LAMA5: variants seen among roughly 807,000 people sequenced by gnomAD.
The protein encoded by LAMA5 is laminin subunit alpha 5.
LAMA5 carries 260 observed loss-of-function variants against 433.4 expected under a neutral mutation model. The ratio of observed to expected loss-of-function variants is 0.60; its 90% CI spans 0.54 to 0.66. The LOEUF (loss-of-function observed/expected upper bound fraction) is 0.66, where lower values mean the gene tolerates loss of function less well. LAMA5 is among the 30% of genes least tolerant of loss of function. The pLI is 0.00. For missense variants in LAMA5, 5,378 were observed against 5,258.5 expected (o/e 1.02, Z -0.70); for synonymous variants, 2,620 against 2,226.6 (o/e 1.18, Z -4.97).
chr20:62,340,954 G>A (rs13043914), intron 11 of LAMA5, among the ~76,000 whole-genome samples: 32,403 of 151,638 alleles, frequency 0.21, 3,555 homozygotes, highest in Non-Finnish European at 0.23. Flanking sequence ...CAGGAGAATC[G>A]CTTGAACCTA....
chr20:62,309,405 G>A lies in LAMA5; in HGVS notation c.11019C>T (p.Ser3673=), dbSNP rs750279265. ...CCACAGAGCGAGTCATGGCGACGGG[G>A]GACCGGTTCACCGCCAGCCTCCTCA... ...GCMRRLAVNR[S]PVAMTRSVEV... The change falls in exon 80 of 80, where the codon TCC becomes TCT. Residue 3673 remains serine (S), a synonymous_variant. Transcript: ENST00000252999. The A allele has an allele frequency of 3.8e-6, 6 of 1,587,098 alleles. No individual in the cohort carries two copies. The highest frequency in any genetic ancestry group is 5.1e-6 in the Non-Finnish European group (6 of 1,175,314).
intron 35 of LAMA5, 60 bp from the exon 36 acceptor site, chr20:62,328,070 C>A (rs1979637261): frequency 5.6e-6 from 9 of 1,599,406 alleles, no homozygotes; most frequent in South Asian, 1.1e-5. Flanking sequence ...CAAAGTGAGA[C>A]CTCGTAGGCA....
In LAMA5 at chr20:62,312,095, C is replaced by A. The variant is rs181972840; in HGVS notation, c.9505-45G>T. ...CAGCCGGCCGGCCTGGGGACCCAGA[C>A]TCATTCCAGACACCCCAGTCCCAAC... is the stretch of plus-strand genomic sequence containing the variant. On this transcript the variant is annotated intron_variant, in intron 69 of 79. Transcript: ENST00000252999. The A allele has an allele frequency of 3.0e-4, 480 of 1,608,978 alleles. 3 individuals are homozygous for A. In the African/African-American group the frequency reaches 5.7e-3, roughly 19 times the overall value.
At position 62,320,829 on chromosome 20, in the gene LAMA5, G is replaced by C; in HGVS notation, c.6558C>G (p.Pro2186=). Residue 2186 remains proline, a synonymous_variant, in exon 49 of 80, where the codon CCC becomes CCG. Transcript: ENST00000252999. ...DDLERAGALL[P]AIHEQLRGIN... ...TGCCACGCAGTTGCTCGTGAATGGC[G>C]GGGAGGAGGGCGCCGGCCCGTTCCA... The C allele has an allele frequency of 1.9e-6, 3 of 1,612,610 alleles. No homozygotes were observed. Among genetic ancestry groups the C allele is most frequent in the South Asian group, 2.2e-5 (2 of 91,076 alleles).
rs766366442 is a variant in LAMA5 at position 62,309,452 on chromosome 20, G to T, written c.10972C>A (p.Pro3658Thr). 3 of 1,583,292 alleles carry T rather than the reference G, an allele frequency of 1.9e-6. No individual in the cohort carries two copies. Among genetic ancestry groups the T allele is most frequent in the East Asian group, 2.3e-5 (1 of 44,356 alleles). ...CTCATGCAGCCGCAGTAGGCGGGGG[G>T]CCAGGGCTGCACGGCCATGGGCTCT... is the stretch of plus-strand genomic sequence containing the variant. Reference protein sequence around the residue: ...LPEPMAVQPWPPAYCGCMRRL... With the variant: ...LPEPMAVQPWTPAYCGCMRRL... The change falls in exon 80 of 80, where the codon CCC (proline) becomes ACC (threonine). Residue 3658 changes from proline (P) to threonine (T), a missense_variant. Physicochemically the swap from Pro to Thr is conservative, Grantham distance 38. Transcript: ENST00000252999.
intron 58 of LAMA5, among the ~76,000 whole-genome samples, chr20:62,315,735 C>T (rs1008453285): frequency 6.6e-6 from 1 of 152,230 alleles, no homozygotes; most frequent in African/African-American, 2.4e-5. Context: ...CAAAGCACTT[C>T]CAAGCTTGCC....
chr20:62,328,082 C>A, intron 35 of LAMA5, 72 bp from the exon 36 acceptor site: 1 of 1,587,406 alleles, frequency 6.3e-7, no homozygotes, highest in Non-Finnish European at 8.6e-7. Context: ...TCGTAGGCAC[C>A]CCCCACCCAG....
At chr20:62,316,525 G>A in intron 57 of LAMA5, 146 bp downstream of exon 57, 2 of 601,406 alleles carry the variant, frequency 3.3e-6, no homozygotes, top group Non-Finnish European at 5.6e-6. Flanking sequence ...ACAAGCAGCT[G>A]GGGAGCCATC....
In LAMA5 at chr20:62,346,794, T is replaced by C. The variant is rs751571417; in HGVS notation, c.1079A>G (p.Asn360Ser). 4.3e-6 allele frequency: 7 copies of C among 1,611,992 alleles called. No homozygotes were observed. The East Asian group carries it at 1.1e-4, about 26-fold the overall frequency. ...ANSANECQSC[N>S]CYGHATDCYY... ...ACAGTCGGTGGCATGGCCGTAGCAG[T>C]TACAGGCTAGAGAGAGGGGAGCGCA... The change falls in exon 8 of 80, where the codon AAC becomes AGC. Residue 360 changes from asparagine to serine, a missense_variant. Physicochemically the swap from Asn to Ser is conservative, Grantham distance 46. Coordinates refer to ENST00000252999, the MANE Select transcript of LAMA5 (RefSeq NM_005560.6).
chr20:62,353,164 G>T lies in LAMA5; in HGVS notation c.538C>A (p.Arg180Ser). The change falls in exon 3 of 80, where the codon CGC (arginine) becomes AGC (serine). Residue 180 changes from arginine to serine, a missense_variant. By Grantham distance (110) the Arg-to-Ser change is moderately radical (BLOSUM62 -1). Coordinates refer to ENST00000252999, the MANE Select transcript of LAMA5 (RefSeq NM_005560.6). ...AAGAACTGCCAGGGCTGGTAGGTGC[G>T]GCCGAAGTCCATGGACCGCTCCAGC... The part of the protein sequence containing the change: ...WVLERSMDFG[R>S]TYQPWQFFAS... 6.3e-7 allele frequency: 1 copy of T among 1,578,978 alleles called. No homozygotes were observed. Among genetic ancestry groups the T allele is most frequent in the Non-Finnish European group, 8.6e-7 (1 of 1,163,132 alleles).
chr20:62,320,952 C>G, intron 48 of LAMA5, 62 bp from the exon 49 acceptor site: 1 of 1,530,574 alleles, frequency 6.5e-7, no homozygotes, highest in Admixed American at 2.0e-5. Context: ...GAATGATCAG[C>G]TGGGGCCCTG....
chr20:62,336,701 C>T (rs1981689037), intron 17 of LAMA5, 33 bp downstream of exon 17: 6 of 1,611,526 alleles, frequency 3.7e-6, no homozygotes, highest in Non-Finnish European at 5.1e-6. Flanking sequence ...GGGTCCTCAC[C>T]CATCTCCCAC....
At chr20:62,333,329 G>A (rs1229233881) in intron 25 of LAMA5, 46 bp downstream of exon 25, 1 of 1,603,262 alleles carries the variant, frequency 6.2e-7, no homozygotes, top group African/African-American at 1.3e-5. Flanking sequence ...CACAGTGGGG[G>A]TCCAGGAAGC....
At chr20:62,336,301 A>G in intron 18 of LAMA5, 39 bp downstream of exon 18, 1 of 1,431,588 alleles carries the variant, frequency 7.0e-7, no homozygotes, top group Non-Finnish European at 9.6e-7. Flanking sequence ...ACAGTTCCCC[A>G]AGGAACCCCT....
At position 62,338,347 on chromosome 20, in the gene LAMA5, T is replaced by C. The variant is rs973539193; in HGVS notation, c.1641A>G (p.Gly547=). The change falls in exon 13 of 80, where the codon GGA becomes GGG. Residue 547 remains glycine, a synonymous_variant. Coordinates refer to ENST00000252999, the MANE Select transcript of LAMA5 (RefSeq NM_005560.6). ...CAGGGTCACAGCGGTCATCGGCCAC[T>C]CCAGGGCTGGAACACTGGCAGGCTG... is the stretch of plus-strand genomic sequence containing the variant. The part of the protein sequence containing the change: ...GCQPCQCSSP[G]VADDRCDPDT... 1 of 1,609,052 alleles carries C rather than the reference T, an allele frequency of 6.2e-7. No homozygotes were observed. Among genetic ancestry groups the C allele is most frequent in the Non-Finnish European group, 8.5e-7 (1 of 1,177,966 alleles).
rs554122584 is a variant in LAMA5, at chr20:62,359,453, G to GA, written c.450+2946dup. On this transcript the variant is annotated intron_variant, in intron 2 of 79. Coordinates refer to ENST00000252999, the MANE Select transcript of LAMA5 (RefSeq NM_005560.6). The surrounding 1 kb of genome is among the most constrained non-coding windows in gnomAD (Gnocchi z 4.3). ...GCTGGCCATGTGCCTGGGCAGTCAT[G>GA]AACGCGCTCACCCTTCCCTGGGCCT... Among the ~76,000 whole-genome samples, 98 of 146,600 alleles carry GA rather than the reference G, an allele frequency of 6.7e-4. No homozygotes were observed. Among genetic ancestry groups the GA allele is most frequent in the African/African-American group, 2.1e-3 (85 of 39,888 alleles).
rs1270215486 is a variant in LAMA5, at chr20:62,330,918, G to A, written c.3677C>T (p.Pro1226Leu). ...GAGGATGATGGGCTGGGGCGGCTTTGGGAAGCGCGAGGGCAGACAGGCGGC... is the reference window on the plus strand; with the variant it reads ...GAGGATGATGGGCTGGGGCGGCTTTAGGAAGCGCGAGGGCAGACAGGCGGC... ...NSAACLPSRF[P>L]KPPQPIILRD... is the part of the protein sequence containing the mutation. The change falls in exon 30 of 80, where the codon CCA becomes CTA. Residue 1226 changes from proline to leucine, a missense_variant. Pro to Leu is a moderately conservative substitution (Grantham distance 98, BLOSUM62 -3). Transcript: ENST00000252999. 3.9e-6 allele frequency: 6 copies of A among 1,549,758 alleles called. No individual in the cohort carries two copies. The highest frequency in any genetic ancestry group is 2.4e-5 in the East Asian group (1 of 40,896).
intron 11 of LAMA5, chr20:62,345,537 G>T: frequency 1.8e-6 from 1 of 567,576 alleles, no homozygotes; most frequent in Non-Finnish European, 3.3e-6. Flanking sequence ...CTCCGGAGTA[G>T]CTCGAACTAC....
intron 2 of LAMA5, among the ~76,000 whole-genome samples, chr20:62,353,709 A>G (rs1352563210): frequency 6.6e-6 from 1 of 152,118 alleles, no homozygotes; most frequent in Non-Finnish European, 1.5e-5. Context: ...CCCTGCCACC[A>G]GGCAGGTCCA....
Sources: gnomAD v4.1 joint callset for allele counts (sites outside exome capture counted in the v4.1 genomes callset) on GRCh38, gnomAD v4.1.1 for gene constraint, Gnocchi (gnomAD v3.1) non-coding constraint, MANE v1.5 for transcripts, NCBI Gene and HGNC (gene_info 2026-07-23, HGNC 2026-07-21) for gene names.